The following NRXN3 variants were observed in gnomAD, a reference collection of about 807,000 sequenced individuals.
NRXN3 encodes neurexin 3, also known as neurexin III.
NRXN3 carries 32 observed loss-of-function variants against 137.6 expected under a neutral mutation model. That is an observed-to-expected ratio of 0.23 (90% CI 0.18 to 0.31). The LOEUF is 0.31. Among genes scored for constraint, NRXN3 ranks in the 10% least tolerant of loss-of-function variants. The pLI, the probability that NRXN3 is intolerant of heterozygous loss-of-function variation, is 1.00. For synonymous variants in NRXN3, 798 were observed against 784.5 expected (o/e 1.02, Z -0.29); for missense variants, 1,574 against 2,062.5 (o/e 0.76, Z 4.59).
chr14:78,497,437 A>G (rs2095803286), intron 4 of NRXN3, among the ~76,000 whole-genome samples: 1 of 152,124 alleles, frequency 6.6e-6, no homozygotes, highest in African/African-American at 2.4e-5. Flanking sequence ...CACAAGCCCC[A>G]GCCTTGGGGG....
At chr14:79,036,506 C>A (rs1157922420) in intron 15 of NRXN3, among the ~76,000 whole-genome samples, 1 of 149,590 alleles carries the variant, frequency 6.7e-6, no homozygotes, top group Admixed American at 6.7e-5. Flanking sequence ...AACAAAACAA[C>A]AACTAAAATG....
intron 4 of NRXN3, among the ~76,000 whole-genome samples, chr14:78,442,782 T>C (rs1383694224): frequency 6.6e-6 from 1 of 152,222 alleles, no homozygotes; most frequent in Non-Finnish European, 1.5e-5. Context: ...TTGCTTTTAT[T>C]GTTAAACAAC....
chr14:79,790,811 G>A (rs2099142840), intron 19 of NRXN3, among the ~76,000 whole-genome samples: 1 of 151,884 alleles, frequency 6.6e-6, no homozygotes. Context: ...AGTAGAGGCA[G>A]GGTTTCACCA....
intron 4 of NRXN3, among the ~76,000 whole-genome samples, chr14:78,500,182 G>A (rs181450762): frequency 3.3e-5 from 5 of 152,256 alleles, no homozygotes; most frequent in Admixed American, 2.6e-4. Context: ...GGTCTGAATG[G>A]TACAGAGGTG....
intron 6 of NRXN3, among the ~76,000 whole-genome samples, chr14:78,689,489 T>C (rs2098151359): frequency 1.3e-5 from 2 of 152,146 alleles, no homozygotes; most frequent in Admixed American, 6.5e-5. Context: ...TCCTTTTCAG[T>C]TAAATTTCCT....
At chr14:78,320,171 G>A (rs1320845931) in intron 4 of NRXN3, among the ~76,000 whole-genome samples, 1 of 152,210 alleles carries the variant, frequency 6.6e-6, no homozygotes, top group Non-Finnish European at 1.5e-5. Flanking sequence ...GTTAAAGTGT[G>A]TGTCTTTGGC....
At chr14:78,208,586 A>G (rs934744670) in intron 1 of NRXN3, among the ~76,000 whole-genome samples, 6 of 152,166 alleles carry the variant, frequency 3.9e-5, no homozygotes, top group African/African-American at 1.4e-4. Flanking sequence ...TTCTGTGCCC[A>G]TGTGTGTTTT....
intron 20 of NRXN3, among the ~76,000 whole-genome samples, chr14:79,839,908 T>C (rs1339808042): frequency 6.6e-6 from 1 of 152,192 alleles, no homozygotes; most frequent in Non-Finnish European, 1.5e-5. Context: ...TATTAGAAAC[T>C]GATAGAAAAC....
intron 10 of NRXN3, among the ~76,000 whole-genome samples, chr14:78,879,547 C>A (rs1232420986): frequency 6.6e-6 from 1 of 152,078 alleles, no homozygotes; most frequent in African/African-American, 2.4e-5. Context: ...TATTTAGATC[C>A]TTTGCTTATT....
At chr14:79,452,652 A>C (rs774942286) in intron 15 of NRXN3, among the ~76,000 whole-genome samples, 5 of 152,176 alleles carry the variant, frequency 3.3e-5, no homozygotes, top group Admixed American at 2.6e-4. Context: ...GAAACTTTCT[A>C]TTTTCTGGGG....
chr14:79,298,088 C>T (rs892430733), intron 15 of NRXN3, among the ~76,000 whole-genome samples: 4 of 151,824 alleles, frequency 2.6e-5, no homozygotes, highest in African/African-American at 7.3e-5. Context: ...ATTTAAGTTC[C>T]TCATTTCTCA....
intron 15 of NRXN3, among the ~76,000 whole-genome samples, chr14:79,225,059 A>G (rs1182586401): frequency 1.3e-5 from 2 of 152,304 alleles, no homozygotes; most frequent in East Asian, 3.9e-4. Flanking sequence ...AGAGGTCACC[A>G]AAGTGGAGTG....
intron 20 of NRXN3, among the ~76,000 whole-genome samples, chr14:79,840,002 A>G (rs1281855462): frequency 1.3e-5 from 2 of 152,166 alleles, no homozygotes; most frequent in Non-Finnish European, 2.9e-5. Context: ...TATTTAAACG[A>G]ATGCTTGTAT....
Position 79,686,826 on chromosome 14 carries a change from C to G in NRXN3, c.3617-5347C>G, listed in dbSNP as rs551476917. Among the ~76,000 whole-genome samples the G allele has an allele frequency of 1.1e-4, 16 of 152,286 alleles. No homozygotes were observed. The South Asian group carries it at 2.7e-3, about 26-fold the overall frequency. On this transcript the variant is annotated intron_variant, in intron 17 of 20. Coordinates refer to ENST00000335750, the MANE Select transcript of NRXN3 (RefSeq NM_001330195.2). Reference sequence around the variant, plus strand: ...TAATTTAGGAAGGAAATGATACTGTCTGCTCGTATATATTTGCCATTATCA... The same window carrying G: ...TAATTTAGGAAGGAAATGATACTGTGTGCTCGTATATATTTGCCATTATCA...
chr14:79,825,932 G>A (rs565716038), intron 20 of NRXN3, among the ~76,000 whole-genome samples: 2 of 152,188 alleles, frequency 1.3e-5, no homozygotes, highest in South Asian at 2.1e-4. Flanking sequence ...CAAAATATGT[G>A]CATAAATATT....
chr14:78,567,734 T>C (rs1246965945), intron 4 of NRXN3, among the ~76,000 whole-genome samples: 1 of 152,074 alleles, frequency 6.6e-6, no homozygotes, highest in Admixed American at 6.5e-5. Flanking sequence ...TTATTAGTAG[T>C]AGAAAAATTA....
chr14:79,336,991 C>T lies in NRXN3; in HGVS notation c.3263-130230C>T, dbSNP rs542456090. 8.5e-5 allele frequency among the ~76,000 whole-genome samples: 13 copies of T among 152,266 alleles called. No homozygotes were observed. The South Asian group carries it at 2.1e-3, about 24-fold the overall frequency. ...GACCTTGGCCACATACTTTAAACTC[C>T]TTGGGAAAATATGCTGCCGTTAAAA... On this transcript the variant is annotated intron_variant, in intron 15 of 20. Transcript: ENST00000335750.
At chr14:79,169,312 T>C (rs956212890) in intron 15 of NRXN3, among the ~76,000 whole-genome samples, 4 of 152,070 alleles carry the variant, frequency 2.6e-5, no homozygotes, top group African/African-American at 9.7e-5. Flanking sequence ...TTTTCCTCAA[T>C]TACAAAAGCC....
chr14:79,372,931 A>AT (rs904411989), intron 15 of NRXN3, among the ~76,000 whole-genome samples: 56 of 152,246 alleles, frequency 3.7e-4, no homozygotes, highest in African/African-American at 1.2e-3. Context: ...AGAAAAAAAT[A>AT]TTTTTGAGAT....
Sources: gnomAD v4.1 joint callset for allele counts (sites outside exome capture counted in the v4.1 genomes callset) on GRCh38, gnomAD v4.1.1 for gene constraint, MANE v1.5 for transcripts, NCBI Gene and HGNC (gene_info 2026-07-23, HGNC 2026-07-21) for gene names.